The following MYO16 variants were observed in gnomAD, a reference collection of about 807,000 sequenced individuals.
MYO16 encodes the protein unconventional myosin-XVI.
A neutral mutation model predicts 205.3 loss-of-function variants in MYO16; 94 were observed. The ratio of observed to expected loss-of-function variants is 0.46; its 90% CI spans 0.39 to 0.54. The LOEUF is 0.54. Among genes scored for constraint, MYO16 ranks in the 20% least tolerant of loss-of-function variants. The probability of loss-of-function intolerance (pLI) is 0.00; values close to 1 mark genes in which losing one functional copy is unlikely to be tolerated. For synonymous variants in MYO16, 988 were observed against 954.0 expected, an observed-to-expected ratio of 1.04 and a Z score of -0.66; for missense variants, 2,315 against 2,387.5, an observed-to-expected ratio of 0.97 and a Z score of 0.63.
At chr13:109,039,365 A>G (rs917685146) in intron 23 of MYO16, among the ~76,000 whole-genome samples, 3 of 152,228 alleles carry the variant, frequency 2.0e-5, no homozygotes, top group Non-Finnish European at 4.4e-5. Flanking sequence ...CAATATTTAT[A>G]AACACATCCA....
At chr13:109,191,984 C>CA (rs1303960899) in intron 34 of MYO16, among the ~76,000 whole-genome samples, 12 of 152,122 alleles carry the variant, frequency 7.9e-5, no homozygotes, top group Non-Finnish European at 1.6e-4. Flanking sequence ...ATCTGGACCC[C>CA]ATATTTCTGA....
intron 23 of MYO16, among the ~76,000 whole-genome samples, chr13:109,033,096 A>C (rs1886596426): frequency 6.6e-6 from 1 of 152,152 alleles, no homozygotes; most frequent in South Asian, 2.1e-4. Context: ...CCACCTAGGG[A>C]CATAACACCA....
chr13:108,899,363 C>T (rs974399436), intron 15 of MYO16, among the ~76,000 whole-genome samples: 2 of 151,122 alleles, frequency 1.3e-5, no homozygotes, highest in Non-Finnish European at 2.9e-5. Flanking sequence ...GCGGAGGTTG[C>T]AGTAAGCAGA....
chr13:108,897,051 A>T (rs1880453850), intron 14 of MYO16, among the ~76,000 whole-genome samples: 1 of 152,196 alleles, frequency 6.6e-6, no homozygotes, highest in Non-Finnish European at 1.5e-5. Context: ...AGCACTTAAA[A>T]AAAAGTAGGA....
chr13:109,021,817 A>G, intron 23 of MYO16, among the ~76,000 whole-genome samples: 1 of 152,106 alleles, frequency 6.6e-6, no homozygotes, highest in African/African-American at 2.4e-5. Flanking sequence ...TAACTCACGA[A>G]GTATTTTTAG....
At chr13:108,864,938 G>A (rs1234292842) in intron 11 of MYO16, among the ~76,000 whole-genome samples, 1 of 152,026 alleles carries the variant, frequency 6.6e-6, no homozygotes, top group Non-Finnish European at 1.5e-5. Context: ...TTTGTAGTAA[G>A]AGCACCAAAA....
chr13:108,621,750 G>T (rs1281916037), intron 1 of MYO16, among the ~76,000 whole-genome samples: 1 of 152,044 alleles, frequency 6.6e-6, no homozygotes, highest in Non-Finnish European at 1.5e-5. Context: ...GGCATCAGTA[G>T]GCATTTTATC....
intron 15 of MYO16, among the ~76,000 whole-genome samples, chr13:108,904,938 C>G (rs1880889895): frequency 1.3e-5 from 2 of 152,172 alleles, no homozygotes; most frequent in Admixed American, 6.6e-5. Context: ...ACAAAACTGT[C>G]TCACCAAACA....
chr13:108,797,329 T>G (rs1170659119), intron 6 of MYO16, among the ~76,000 whole-genome samples: 1 of 152,192 alleles, frequency 6.6e-6, no homozygotes, highest in East Asian at 1.9e-4. Flanking sequence ...TGAGGAACAT[T>G]AGCATATATG....
the MYO16 span, among the ~76,000 whole-genome samples, chr13:108,506,810 G>A: frequency 1.3e-5 from 2 of 152,272 alleles, no homozygotes; most frequent in Middle Eastern, 3.4e-3. Flanking sequence ...CATGGAGTAT[G>A]ATGTTAGCTG....
intron 4 of MYO16, among the ~76,000 whole-genome samples, chr13:108,733,492 T>C (rs1884589938): frequency 6.6e-6 from 1 of 152,220 alleles, no homozygotes. Context: ...GCATCAGAAC[T>C]TGGACCCCTG....
chr13:108,773,741 TA>T (rs1886040415), intron 4 of MYO16, among the ~76,000 whole-genome samples: 1 of 152,166 alleles, frequency 6.6e-6, no homozygotes, highest in Admixed American at 6.5e-5. Context: ...AACAGGTACA[TA>T]GGGGTTCTTT....
At chr13:108,777,421 G>C (rs536769040) in intron 4 of MYO16, among the ~76,000 whole-genome samples, 2 of 152,350 alleles carry the variant, frequency 1.3e-5, no homozygotes, top group South Asian at 4.1e-4. Flanking sequence ...AGCAGCCACT[G>C]TTCCCCACAT....
At chr13:108,673,086 C>G (rs1047818066) in intron 2 of MYO16, among the ~76,000 whole-genome samples, 9 of 151,238 alleles carry the variant, frequency 6.0e-5, no homozygotes, top group African/African-American at 1.7e-4. Context: ...AGCAATGCAG[C>G]CTTTGAAGAA....
chr13:108,842,717 A>G (rs922004091), intron 9 of MYO16, among the ~76,000 whole-genome samples: 2 of 152,150 alleles, frequency 1.3e-5, no homozygotes, highest in Non-Finnish European at 2.9e-5. Context: ...AAATTAAAAA[A>G]TAGAACTACC....
chr13:108,756,984 G>T (rs1230518234), intron 4 of MYO16, among the ~76,000 whole-genome samples: 2 of 152,178 alleles, frequency 1.3e-5, no homozygotes, highest in Non-Finnish European at 2.9e-5. Flanking sequence ...AGCCCTTGGT[G>T]TATCTGTTCT....
intron 4 of MYO16, among the ~76,000 whole-genome samples, chr13:108,758,066 C>G (rs1390930338): frequency 6.6e-6 from 1 of 152,152 alleles, no homozygotes. Context: ...AGAGAGCTAG[C>G]TGGCCCCTTC....
chr13:108,774,484 G>C (rs1886065143), intron 4 of MYO16, among the ~76,000 whole-genome samples: 1 of 152,062 alleles, frequency 6.6e-6, no homozygotes, highest in Non-Finnish European at 1.5e-5. Flanking sequence ...TATTTGAGGG[G>C]TTGCATTGAT....
chr13:108,944,470 A>G (rs1028688182), intron 16 of MYO16, among the ~76,000 whole-genome samples: 3 of 152,170 alleles, frequency 2.0e-5, no homozygotes, highest in Non-Finnish European at 4.4e-5. Flanking sequence ...CCCCACTTAA[A>G]GTTTTTAATT....
Sources: allele counts gnomAD v4.1 joint callset (sites outside exome capture counted in the v4.1 genomes callset), GRCh38; gene constraint gnomAD v4.1.1; transcripts MANE v1.5; gene names NCBI Gene and HGNC (gene_info 2026-07-23, HGNC 2026-07-21).